NOVA1: variants seen among roughly 807,000 people sequenced by gnomAD.
NOVA1 encodes NOVA alternative splicing regulator 1.
NOVA1 carries 7 observed loss-of-function variants against 38.0 expected under a neutral mutation model. That is an observed-to-expected ratio of 0.18 (90% CI 0.10 to 0.35). The LOEUF (loss-of-function observed/expected upper bound fraction) is 0.35, where lower values mean the gene tolerates loss of function less well. NOVA1 is among the 10% of genes least tolerant of loss of function. The probability of loss-of-function intolerance (pLI) is 1.00; values close to 1 mark genes in which losing one functional copy is unlikely to be tolerated. For missense variants in NOVA1, 460 were observed against 616.0 expected (o/e 0.75, Z 2.68); for synonymous variants, 270 against 232.5 (o/e 1.16, Z -1.47).
chr14:26,560,060 A>G (rs1891730223), intron 2 of NOVA1, among the ~76,000 whole-genome samples: 2 of 152,164 alleles, frequency 1.3e-5, no homozygotes, highest in African/African-American at 2.4e-5. Context: ...CATCTACTAT[A>G]TATCAATTAA....
At chr14:26,470,439 T>C (rs1273671985) in intron 4 of NOVA1, 1 of 1,555,936 alleles carries the variant, frequency 6.4e-7, no homozygotes, top group South Asian at 1.1e-5. Context: ...ACGGATTTTG[T>C]TTTGTTCTTC....
intron 2 of NOVA1, among the ~76,000 whole-genome samples, chr14:26,499,792 A>C (rs1348085757): frequency 6.6e-6 from 1 of 152,124 alleles, no homozygotes; most frequent in Non-Finnish European, 1.5e-5. Context: ...TGACTTATAA[A>C]GTGTTTTGTA....
At chr14:26,541,020 T>A (rs554130040) in intron 2 of NOVA1, among the ~76,000 whole-genome samples, 1 of 151,984 alleles carries the variant, frequency 6.6e-6, no homozygotes, top group East Asian at 1.9e-4. Flanking sequence ...AGGCAAAATA[T>A]TTAGGATCCA....
intron 2 of NOVA1, among the ~76,000 whole-genome samples, chr14:26,574,688 T>C (rs1892724528): frequency 6.6e-6 from 1 of 152,158 alleles, no homozygotes; most frequent in African/African-American, 2.4e-5. Flanking sequence ...CCCTTTTTGT[T>C]TGTTTTAGAG....
chr14:26,466,765 A>G (rs1884176061), intron 4 of NOVA1, among the ~76,000 whole-genome samples: 2 of 152,180 alleles, frequency 1.3e-5, no homozygotes. Context: ...TAACACTACA[A>G]AATGAGCTTT....
intron 2 of NOVA1, 47 bp from the exon 3 acceptor site, chr14:26,480,190 TAAA>T (rs761896060): frequency 1.6e-5 from 24 of 1,518,120 alleles, no homozygotes; most frequent in Middle Eastern, 1.8e-4. Context: ...CACTTTGCAT[TAAA>T]AAAATTATGA....
intron 2 of NOVA1, among the ~76,000 whole-genome samples, chr14:26,520,094 T>C (rs188427622): frequency 6.6e-5 from 10 of 152,358 alleles, no homozygotes; most frequent in South Asian, 2.1e-4. Flanking sequence ...TTAACATATA[T>C]TGTTGATACA....
chr14:26,455,078 T>C (rs1883049790), intron 4 of NOVA1, among the ~76,000 whole-genome samples: 1 of 152,182 alleles, frequency 6.6e-6, no homozygotes, highest in Admixed American at 6.5e-5. Flanking sequence ...CAAAAGAATT[T>C]AAAAAGCAGT....
At chr14:26,452,795 C>G (rs1882815738) in intron 4 of NOVA1, among the ~76,000 whole-genome samples, 1 of 152,202 alleles carries the variant, frequency 6.6e-6, no homozygotes, top group Non-Finnish European at 1.5e-5. Flanking sequence ...CTAGCATCTA[C>G]CTAATCATTT....
intron 2 of NOVA1, among the ~76,000 whole-genome samples, chr14:26,569,685 C>A (rs1336292070): frequency 1.3e-5 from 2 of 152,244 alleles, no homozygotes; most frequent in African/African-American, 4.8e-5. Context: ...GTGGCATAAT[C>A]AAAGAAGCAA....
At chr14:26,573,778 G>T (rs1892637554) in intron 2 of NOVA1, among the ~76,000 whole-genome samples, 1 of 152,002 alleles carries the variant, frequency 6.6e-6, no homozygotes, top group South Asian at 2.1e-4. Flanking sequence ...GTTTAAAGAG[G>T]CACAAAATGT....
intron 4 of NOVA1, among the ~76,000 whole-genome samples, chr14:26,451,358 T>TTTTA (rs983560162): frequency 2.0e-4 from 31 of 152,144 alleles, no homozygotes; most frequent in East Asian, 7.7e-4. Context: ...AACATTTTAT[T>TTTTA]TTTATTTATT....
intron 4 of NOVA1, among the ~76,000 whole-genome samples, chr14:26,459,891 C>T (rs967337467): frequency 2.0e-5 from 3 of 151,968 alleles, no homozygotes; most frequent in East Asian, 1.9e-4. Context: ...TACCTTTATA[C>T]ATTTTTTATT....
intron 2 of NOVA1, among the ~76,000 whole-genome samples, chr14:26,481,988 T>TAAAAAAAAAAAAAAAAAAA (rs372806170): frequency 4.2e-4 from 44 of 105,948 alleles, no homozygotes; most frequent in African/African-American, 1.0e-3. Flanking sequence ...TAGATAGAGA[T>TAAAAAAAAAAAAAAAAAAA]AAAAAAAAAA....
At chr14:26,495,653 C>G (rs980727402) in intron 2 of NOVA1, among the ~76,000 whole-genome samples, 5 of 139,640 alleles carry the variant, frequency 3.6e-5, no homozygotes, top group African/African-American at 5.3e-5. Context: ...CCCCTCCCCC[C>G]ACCCCACAAC....
rs146149889 is a variant in NOVA1 at position 26,469,849 on chromosome 14, C to T, written c.519+2471G>A. The stretch of plus-strand genomic sequence containing the variant: ...CTCCTGGCCTCAAGTGATTCTCCTG[C>T]CTCGGCCTTCCAAAGTGTTGAAATT... On this transcript the variant is annotated intron_variant, in intron 4 of 4. Coordinates refer to ENST00000539517, the MANE Select transcript of NOVA1 (RefSeq NM_002515.3). Among the ~76,000 whole-genome samples the T allele has an allele frequency of 2.1e-3, 319 of 152,238 alleles. 2 individuals are homozygous for T. The highest frequency in any genetic ancestry group is 7.4e-3 in the African/African-American group (307 of 41,542).
intron 2 of NOVA1, among the ~76,000 whole-genome samples, chr14:26,561,153 AGGT>A (rs1281259062): frequency 6.6e-6 from 1 of 152,150 alleles, no homozygotes; most frequent in East Asian, 1.9e-4. Context: ...GGCGGAGCTC[AGGT>A]GGTAATGCTA....
At chr14:26,560,326 T>G (rs1332702588) in intron 2 of NOVA1, among the ~76,000 whole-genome samples, 3 of 152,126 alleles carry the variant, frequency 2.0e-5, no homozygotes, top group African/African-American at 7.2e-5. Context: ...AATGAAGCCT[T>G]TATTGAATAA....
rs1881992350 is a variant in NOVA1, at chr14:26,445,386, C to A, written c.*2573G>T. ...GATTTACACATAATGCATACAAACC[C>A]TTATCTGTCACCATAAATTAAAATG... On this transcript the variant is annotated 3_prime_UTR_variant, in exon 5 of 5. Transcript: ENST00000539517. The A allele has an allele frequency of 6.6e-6, 1 of 152,174 alleles. No homozygotes were observed. The highest frequency in any genetic ancestry group is 2.4e-5 in the African/African-American group (1 of 41,434). The allele number at this position is 152,174 out of a possible 1,614,324, so 9.4% of individuals were successfully genotyped here.
Sources: gnomAD v4.1 joint callset for allele counts (sites outside exome capture counted in the v4.1 genomes callset) on GRCh38, gnomAD v4.1.1 for gene constraint, MANE v1.5 for transcripts, NCBI Gene and HGNC (gene_info 2026-07-23, HGNC 2026-07-21) for gene names.